TENM2: variants seen among roughly 807,000 people sequenced by gnomAD.
TENM2 encodes the protein teneurin-2.
In TENM2, 52 loss-of-function variants were observed where a neutral mutation model predicts 245.2. The observed-to-expected ratio is 0.21, with a 90% confidence interval of 0.17 to 0.27. The LOEUF is 0.27. TENM2 is among the 10% of genes least tolerant of loss of function. The probability of loss-of-function intolerance (pLI) is 1.00; values close to 1 mark genes in which losing one functional copy is unlikely to be tolerated. For missense variants in TENM2, 3,046 were observed against 3,666.8 expected (o/e 0.83, Z 4.37); for synonymous variants, 1,363 against 1,438.9 (o/e 0.95, Z 1.19).
chr5:167,552,834 A>G (rs146603665), intron 2 of TENM2, among the ~76,000 whole-genome samples: 169 of 152,322 alleles, frequency 1.1e-3, no homozygotes, highest in African/African-American at 3.9e-3. Context: ...TGGTTGCATG[A>G]ACTTTCTTCA....
At chr5:167,098,044 T>A in the TENM2 span, among the ~76,000 whole-genome samples, 1 of 152,210 alleles carries the variant, frequency 6.6e-6, no homozygotes, top group African/African-American at 2.4e-5. Flanking sequence ...GTTCTTTCAG[T>A]CGTGCATTTC....
intron 9 of TENM2, among the ~76,000 whole-genome samples, chr5:168,101,758 C>T (rs1458456868): frequency 6.6e-6 from 1 of 152,148 alleles, no homozygotes; most frequent in Non-Finnish European, 1.5e-5. Context: ...AATTGCTTTT[C>T]CCCGATTTCT....
At chr5:167,959,780 G>T (rs939235176) in intron 4 of TENM2, among the ~76,000 whole-genome samples, 1 of 152,168 alleles carries the variant, frequency 6.6e-6, no homozygotes, top group African/African-American at 2.4e-5. Context: ...GAGAAGAGGT[G>T]TTCTGGTTTT....
At chr5:167,681,666 G>A (rs1756715089) in intron 2 of TENM2, among the ~76,000 whole-genome samples, 1 of 151,842 alleles carries the variant, frequency 6.6e-6, no homozygotes, top group South Asian at 2.1e-4. Context: ...ATATATGTAT[G>A]CATATCATAT....
At chr5:168,039,246 C>G (rs1787972809) in intron 5 of TENM2, among the ~76,000 whole-genome samples, 1 of 152,210 alleles carries the variant, frequency 6.6e-6, no homozygotes, top group Non-Finnish European at 1.5e-5. Context: ...CAGCCTGCGT[C>G]TTCTTTCCTT....
chr5:168,131,891 G>A (rs184696187), intron 12 of TENM2, among the ~76,000 whole-genome samples: 1 of 152,172 alleles, frequency 6.6e-6, no homozygotes, highest in Admixed American at 6.5e-5. Flanking sequence ...ATTCCTCCAG[G>A]GGCTCTTATT....
At chr5:168,006,237 G>A (rs1273541773) in intron 5 of TENM2, among the ~76,000 whole-genome samples, 1 of 152,192 alleles carries the variant, frequency 6.6e-6, no homozygotes, top group Non-Finnish European at 1.5e-5. Flanking sequence ...CATGTTGTGA[G>A]AGGGAGGAAT....
intron 5 of TENM2, among the ~76,000 whole-genome samples, chr5:168,028,429 CA>C (rs930921203): frequency 6.6e-6 from 1 of 152,030 alleles, no homozygotes; most frequent in Non-Finnish European, 1.5e-5. Context: ...AGAAGGTGCT[CA>C]GGGGCGATTC....
chr5:167,781,567 A>C (rs770410676), intron 2 of TENM2, among the ~76,000 whole-genome samples: 1 of 152,168 alleles, frequency 6.6e-6, no homozygotes, highest in African/African-American at 2.4e-5. Flanking sequence ...CGAGTTTAAC[A>C]GAGGTAATGT....
chr5:167,885,934 C>T (rs767751571), intron 3 of TENM2, among the ~76,000 whole-genome samples: 6 of 152,156 alleles, frequency 3.9e-5, no homozygotes, highest in Non-Finnish European at 7.3e-5. Context: ...CCACTCGCCT[C>T]GGCCTCCCAA....
intron 6 of TENM2, among the ~76,000 whole-genome samples, chr5:168,051,554 A>G (rs1789089915): frequency 1.3e-5 from 2 of 152,198 alleles, no homozygotes; most frequent in African/African-American, 4.8e-5. Context: ...ATAGGAGTCC[A>G]GAAGAGGAAG....
At chr5:167,616,732 CAG>C (rs1561604990) in intron 2 of TENM2, among the ~76,000 whole-genome samples, 1 of 152,052 alleles carries the variant, frequency 6.6e-6, no homozygotes, top group Non-Finnish European at 1.5e-5. Context: ...AGGAAACAAA[CAG>C]TGTAATTGTG....
intron 4 of TENM2, among the ~76,000 whole-genome samples, chr5:167,955,065 T>A (rs1251936614): frequency 1.3e-5 from 2 of 152,130 alleles, no homozygotes; most frequent in Non-Finnish European, 2.9e-5. Flanking sequence ...AATGGTTGAA[T>A]CAATTTACAC....
At chr5:166,997,491 A>G in the TENM2 span, among the ~76,000 whole-genome samples, 246 of 152,316 alleles carry the variant, frequency 1.6e-3, 1 homozygote, top group African/African-American at 5.6e-3. Flanking sequence ...ATTATGGTAT[A>G]GGGCCCTCCC....
intron 15 of TENM2, 79 bp downstream of exon 17, chr5:168,195,374 A>C: frequency 6.6e-7 from 1 of 1,504,994 alleles, no homozygotes. Context: ...TTGGCTTGGA[A>C]CCACAGGATT....
intron 5 of TENM2, among the ~76,000 whole-genome samples, chr5:168,009,413 C>T (rs1785060541): frequency 6.6e-6 from 1 of 152,178 alleles, no homozygotes; most frequent in Non-Finnish European, 1.5e-5. Flanking sequence ...ACTTACCGTA[C>T]CAGGCTGAAG....
At chr5:167,177,425 T>C in the TENM2 span, among the ~76,000 whole-genome samples, 1 of 152,182 alleles carries the variant, frequency 6.6e-6, no homozygotes, top group Non-Finnish European at 1.5e-5. Flanking sequence ...TGCAATCCCT[T>C]GTGGGCAATT....
chr5:168,247,446 G>A lies in TENM2; in HGVS notation c.6507G>A (p.Arg2169=). Residue 2169 remains arginine, a synonymous_variant, in exon 27 of 29, where the codon CGG becomes CGA. Coordinates refer to ENST00000518659, the Ensembl canonical transcript of TENM2. The surrounding 1 kb of genome is among the most constrained non-coding windows in gnomAD (Gnocchi z 7.8). ...AGGAGGTCCAGTATGAGATGTTCCG[G>A]TCCCTCATGTACTGGATGACGGTGC... is the stretch of plus-strand genomic sequence containing the variant. 6.2e-7 allele frequency: 1 copy of A among 1,613,644 alleles called. No homozygotes were observed. The highest frequency in any genetic ancestry group is 8.5e-7 in the Non-Finnish European group (1 of 1,179,682).
chr5:167,861,538 A>G (rs1431590320), intron 2 of TENM2, among the ~76,000 whole-genome samples: 1 of 152,168 alleles, frequency 6.6e-6, no homozygotes, highest in Non-Finnish European at 1.5e-5. Flanking sequence ...TCCTAATGTC[A>G]GCCTGCTTGG....
Sources: gnomAD v4.1 joint callset for allele counts (sites outside exome capture counted in the v4.1 genomes callset) on GRCh38, gnomAD v4.1.1 for gene constraint, Gnocchi (gnomAD v3.1) non-coding constraint, MANE v1.5 for transcripts, NCBI Gene and HGNC (gene_info 2026-07-23, HGNC 2026-07-21) for gene names.